PLPPR1: variants seen among roughly 807,000 people sequenced by gnomAD.
The protein encoded by PLPPR1 is phospholipid phosphatase-related protein type 1.
Under a neutral mutation model 33.1 loss-of-function variants are expected in PLPPR1, and 10 were observed. The ratio of observed to expected loss-of-function variants is 0.30; its 90% CI spans 0.19 to 0.51. The LOEUF (loss-of-function observed/expected upper bound fraction) is 0.51, where lower values mean the gene tolerates loss of function less well. Ranked by LOEUF, PLPPR1 falls within the 20% of genes least tolerant of loss-of-function variation. The pLI is 0.97. For missense variants in PLPPR1, 304 were observed against 408.1 expected (o/e 0.74, Z 2.20); for synonymous variants, 151 against 151.0 (o/e 1.00, Z 0.00).
intron 2 of PLPPR1, among the ~76,000 whole-genome samples, chr9:101,241,318 T>TAGACCAGGGGTGTCC (rs1372012786): frequency 6.6e-6 from 1 of 151,990 alleles, no homozygotes; most frequent in African/African-American, 2.4e-5. Flanking sequence ...CAGAAATGGC[T>TAGACCAGGGGTGTCC]AGACCAGGGG....
intron 2 of PLPPR1, among the ~76,000 whole-genome samples, chr9:101,215,462 G>A (rs1324686877): frequency 6.6e-6 from 1 of 152,090 alleles, no homozygotes; most frequent in African/African-American, 2.4e-5. Flanking sequence ...TTTATTTTTA[G>A]TAGAGTCGGG....
At chr9:101,176,881 T>A (rs976497959) in intron 1 of PLPPR1, among the ~76,000 whole-genome samples, 1 of 152,060 alleles carries the variant, frequency 6.6e-6, no homozygotes, top group African/African-American at 2.4e-5. Context: ...AAGACACCAA[T>A]GACAGGATAA....
intron 2 of PLPPR1, among the ~76,000 whole-genome samples, chr9:101,265,830 A>C (rs1408128089): frequency 6.6e-6 from 1 of 151,860 alleles, no homozygotes; most frequent in African/African-American, 2.4e-5. Flanking sequence ...CCCCGTCTCT[A>C]CTAAAAATAC....
At chr9:101,094,197 A>G (rs1238404473) in intron 1 of PLPPR1, among the ~76,000 whole-genome samples, 2 of 152,180 alleles carry the variant, frequency 1.3e-5, no homozygotes, top group African/African-American at 2.4e-5. Flanking sequence ...CCTATTACCC[A>G]TGGGCTTATG....
intron 1 of PLPPR1, among the ~76,000 whole-genome samples, chr9:101,172,542 C>T (rs1825958525): frequency 6.6e-6 from 1 of 151,996 alleles, no homozygotes; most frequent in African/African-American, 2.4e-5. Context: ...CCTGTGTAAA[C>T]CCCTATGATT....
chr9:101,198,043 A>G (rs1324008889), intron 2 of PLPPR1, among the ~76,000 whole-genome samples: 1 of 152,164 alleles, frequency 6.6e-6, no homozygotes, highest in Non-Finnish European at 1.5e-5. Context: ...AGGAAAATAA[A>G]TAATACTTGA....
chr9:101,138,580 T>G (rs1831406975), intron 1 of PLPPR1, among the ~76,000 whole-genome samples: 1 of 152,190 alleles, frequency 6.6e-6, no homozygotes, highest in African/African-American at 2.4e-5. Flanking sequence ...GTCCTAAATC[T>G]TATGCTCTTA....
rs527311867 is a variant in PLPPR1, at chr9:101,194,502, C to T, written c.63+8945C>T. ...TGGTGGCTCACACCTGTAATCCTCG[C>T]ACTTTGGGAGGCCGAGGTGGGCAGA... On this transcript the variant is annotated intron_variant, in intron 2 of 7. Transcript: ENST00000374874. Among the ~76,000 whole-genome samples, 5 of 152,244 alleles carry T rather than the reference C, an allele frequency of 3.3e-5. No individual in the cohort carries two copies. In the South Asian group the frequency reaches 6.2e-4, roughly 19 times the overall value.
chr9:101,077,667 G>A (rs2118501899), intron 1 of PLPPR1, among the ~76,000 whole-genome samples: 1 of 152,224 alleles, frequency 6.6e-6, no homozygotes, highest in Non-Finnish European at 1.5e-5. Context: ...CACCACAGAG[G>A]CCTTAGACAA....
At chr9:101,120,777 G>A (rs984042658) in intron 1 of PLPPR1, among the ~76,000 whole-genome samples, 1 of 152,170 alleles carries the variant, frequency 6.6e-6, no homozygotes, top group African/African-American at 2.4e-5. Flanking sequence ...TATTCTGGAA[G>A]AGAATATGGC....
At chr9:101,045,487 T>C (rs919951475) in intron 1 of PLPPR1, among the ~76,000 whole-genome samples, 1 of 151,904 alleles carries the variant, frequency 6.6e-6, no homozygotes, top group Non-Finnish European at 1.5e-5. Context: ...CTTCTGAGAG[T>C]TGGAAGCTAG....
intron 1 of PLPPR1, among the ~76,000 whole-genome samples, chr9:101,161,438 G>A (rs1226340818): frequency 6.6e-6 from 1 of 152,110 alleles, no homozygotes; most frequent in Admixed American, 6.6e-5. Flanking sequence ...ATTTTAGTGT[G>A]TGTCTCCACA....
chr9:101,079,304 CCT>C (rs565940907), intron 1 of PLPPR1, among the ~76,000 whole-genome samples: 68 of 152,270 alleles, frequency 4.5e-4, no homozygotes, highest in African/African-American at 1.5e-3. Context: ...TGTGTAAAAT[CCT>C]CTGTTTCCTG....
At chr9:101,153,449 G>A (rs556283379) in intron 1 of PLPPR1, among the ~76,000 whole-genome samples, 2 of 152,296 alleles carry the variant, frequency 1.3e-5, no homozygotes, top group Admixed American at 1.3e-4. Flanking sequence ...AGTGGTGAGA[G>A]AGGGCATCCC....
intron 2 of PLPPR1, 23 bp from the exon 3 acceptor site, chr9:101,269,857 G>A (rs752269756): frequency 6.2e-7 from 1 of 1,613,116 alleles, no homozygotes. Context: ...TAATGTCTCT[G>A]TGTGGCCATG....
At chr9:101,320,753 C>A (rs1009257786) in intron 7 of PLPPR1, among the ~76,000 whole-genome samples, 6 of 152,136 alleles carry the variant, frequency 3.9e-5, no homozygotes, top group African/African-American at 1.4e-4. Flanking sequence ...TATTGAGAGT[C>A]ACCTCATTTA....
intron 1 of PLPPR1, among the ~76,000 whole-genome samples, chr9:101,093,304 A>G (rs1830772210): frequency 6.6e-6 from 1 of 152,218 alleles, no homozygotes; most frequent in Non-Finnish European, 1.5e-5. Flanking sequence ...TCAGTTATTA[A>G]TAGGCTGCCA....
intron 3 of PLPPR1, among the ~76,000 whole-genome samples, chr9:101,283,012 T>C (rs980907568): frequency 6.6e-6 from 1 of 152,172 alleles, no homozygotes; most frequent in Non-Finnish European, 1.5e-5. Flanking sequence ...CAATGATACA[T>C]TTTTTATAGT....
At chr9:101,129,634 A>T (rs1349912165) in intron 1 of PLPPR1, among the ~76,000 whole-genome samples, 1 of 152,184 alleles carries the variant, frequency 6.6e-6, no homozygotes, top group Non-Finnish European at 1.5e-5. Flanking sequence ...GATCGAGACC[A>T]TCCTGGCCAA....
Sources: gnomAD v4.1 joint callset for allele counts (sites outside exome capture counted in the v4.1 genomes callset) on GRCh38, gnomAD v4.1.1 for gene constraint, MANE v1.5 for transcripts, NCBI Gene and HGNC (gene_info 2026-07-23, HGNC 2026-07-21) for gene names.